OLR1: variants seen among roughly 807,000 people sequenced by gnomAD.
OLR1 encodes the protein oxidized low density lipoprotein receptor 1, also known as oxidized low-density lipoprotein receptor 1.
A neutral mutation model predicts 31.7 loss-of-function variants in OLR1; 23 were observed. That is an observed-to-expected ratio of 0.72 (90% confidence interval 0.52 to 1.03). OLR1 has a LOEUF of 1.03. Ranked by LOEUF, OLR1 falls within the 50% of genes least tolerant of loss-of-function variation. The probability of loss-of-function intolerance (pLI) is 0.00; values close to 1 mark genes in which losing one functional copy is unlikely to be tolerated. For synonymous variants in OLR1, 117 were observed against 115.8 expected, an observed-to-expected ratio of 1.01 and a Z score of -0.07; for missense variants, 286 against 315.7, an observed-to-expected ratio of 0.91 and a Z score of 0.71.
Position 10,160,721 on chromosome 12 carries a change from T to A in OLR1, c.564+65A>T, listed in dbSNP as rs1948613287. ...CAAACAAGAATTCCTCCAGTGACAGTTTAAACCAGATTAATTTCCCTATCA... is the reference window on the plus strand; with the variant it reads ...CAAACAAGAATTCCTCCAGTGACAGATTAAACCAGATTAATTTCCCTATCA... On this transcript the variant is annotated intron_variant, in intron 4 of 5. Transcript: ENST00000309539. 3 of 1,581,804 alleles carry A rather than the reference T, an allele frequency of 1.9e-6. No homozygotes were observed. The South Asian group carries it at 3.4e-5, about 18-fold the overall frequency.
intron 3 of OLR1, 111 bp downstream of exon 3, chr12:10,166,601 A>T: frequency 1.0e-6 from 1 of 965,248 alleles, no homozygotes; most frequent in Non-Finnish European, 1.6e-6. Flanking sequence ...TGAATGAATA[A>T]TGATATGCAT....
At chr12:10,169,647 C>G (rs1304052709) in intron 1 of OLR1, among the ~76,000 whole-genome samples, 1 of 152,130 alleles carries the variant, frequency 6.6e-6, no homozygotes, top group Non-Finnish European at 1.5e-5. Context: ...AGCAAACAAG[C>G]TTTCTTCAGT....
intron 5 of OLR1, 117 bp from the exon 6 acceptor site, chr12:10,160,138 G>T: frequency 1.7e-6 from 2 of 1,179,088 alleles, no homozygotes; most frequent in Non-Finnish European, 2.4e-6. Context: ...AGTAATAAAT[G>T]TGGGAAGGAA....
intron 3 of OLR1, among the ~76,000 whole-genome samples, chr12:10,165,038 G>A (rs954214374): frequency 2.0e-5 from 3 of 152,226 alleles, no homozygotes; most frequent in East Asian, 1.9e-4. Flanking sequence ...CGAGGCGGGC[G>A]GATCACCCGA....
intron 3 of OLR1, among the ~76,000 whole-genome samples, chr12:10,161,309 A>C (rs1472496674): frequency 6.6e-5 from 10 of 152,238 alleles, no homozygotes; most frequent in Non-Finnish European, 1.3e-4. Flanking sequence ...GATGAAAAGC[A>C]AGTTAAGCTA....
chr12:10,163,063 T>C (rs1948633298), intron 3 of OLR1, among the ~76,000 whole-genome samples: 2 of 152,176 alleles, frequency 1.3e-5, no homozygotes, highest in South Asian at 2.1e-4. Flanking sequence ...ATTTTTTATA[T>C]AATTTAACAA....
chr12:10,162,769 A>G (rs1473324196), intron 3 of OLR1, among the ~76,000 whole-genome samples: 2 of 152,198 alleles, frequency 1.3e-5, no homozygotes, highest in African/African-American at 4.8e-5. Flanking sequence ...TGGAGGTTGC[A>G]GTGAGCTGAG....
At chr12:10,168,521 T>A (rs1443380166) in intron 2 of OLR1, among the ~76,000 whole-genome samples, 1 of 152,138 alleles carries the variant, frequency 6.6e-6, no homozygotes, top group South Asian at 2.1e-4. Flanking sequence ...TGAAATGGAG[T>A]CTCGCTCTGT....
chr12:10,168,340 G>A (rs1948679366), intron 2 of OLR1, among the ~76,000 whole-genome samples: 2 of 151,926 alleles, frequency 1.3e-5, no homozygotes, highest in Non-Finnish European at 2.9e-5. Flanking sequence ...ACATTAAAAT[G>A]GTATTTAATT....
intron 1 of OLR1, 56 bp from the exon 2 acceptor site, chr12:10,169,231 A>G: frequency 7.9e-7 from 1 of 1,273,588 alleles, no homozygotes; most frequent in Non-Finnish European, 1.1e-6. Context: ...AAGTAAGCAA[A>G]CCATTCCTTG....
At chr12:10,170,491 C>CTTTTTTTTT (rs11377412) in intron 1 of OLR1, 1 of 116,298 alleles carries the variant, frequency 8.6e-6, no homozygotes, top group African/African-American at 3.3e-5. Context: ...TCATCGTGCT[C>CTTTTTTTTT]TTTTTTTTTT....
intron 4 of OLR1, 62 bp from the exon 5 acceptor site, chr12:10,160,524 C>G: frequency 7.4e-7 from 1 of 1,345,502 alleles, no homozygotes; most frequent in Non-Finnish European, 1.1e-6. Flanking sequence ...ATCTGAAAGT[C>G]AGTTAGTGTT....
At chr12:10,172,243 T>C (rs1948729058), upstream of OLR1, 2 of 566,334 alleles carry the variant, frequency 3.5e-6, no homozygotes, top group Non-Finnish European at 6.3e-6. Flanking sequence ...ATTGGGAAGT[T>C]CGCTGACGCA....
chr12:10,176,200 A>G (rs1023262445), upstream of OLR1, among the ~76,000 whole-genome samples: 1 of 152,074 alleles, frequency 6.6e-6, no homozygotes, highest in Non-Finnish European at 1.5e-5. Context: ...ATCATTCCCT[A>G]TATGGAGGCT....
At chr12:10,170,377 TTGCAA>T (rs1472241397) in intron 1 of OLR1, 1 of 152,218 alleles carries the variant, frequency 6.6e-6, no homozygotes, top group Non-Finnish European at 1.5e-5. Context: ...GCTGTGTCTC[TTGCAA>T]ATAATTGCCT....
In OLR1 at chr12:10,167,402, A is replaced by G. The variant is rs184557171; in HGVS notation, c.179-445T>C. 3.9e-3 allele frequency: 610 copies of G among 155,182 alleles called. 1 individual carries two copies. The highest frequency in any genetic ancestry group is 6.6e-3 in the Non-Finnish European group (458 of 69,678). The allele number at this position is 155,182 out of a possible 1,614,324, so 9.6% of individuals were successfully genotyped here. A position where few individuals can be genotyped will look rare whatever the true frequency, so the allele number is the denominator to read the frequency against. ...GCTGAGGCAGGGGAATCACAGTGCC[A>G]CTGCACTCCAGCCTGGCGACAGAGG... is the stretch of plus-strand genomic sequence containing the variant. On this transcript the variant is annotated intron_variant, in intron 2 of 5. Transcript: ENST00000309539.
chr12:10,166,301 G>A (rs1227333821), intron 3 of OLR1, among the ~76,000 whole-genome samples: 1 of 152,114 alleles, frequency 6.6e-6, no homozygotes, highest in Non-Finnish European at 1.5e-5. Context: ...GCCAAGATGG[G>A]TGGATCACCT....
intron 5 of OLR1, 150 bp from the exon 6 acceptor site, chr12:10,160,171 G>T: frequency 1.0e-6 from 1 of 972,344 alleles, no homozygotes; most frequent in Non-Finnish European, 1.5e-6. Flanking sequence ...TGTCTGAATG[G>T]TTAATGAGTA....
chr12:10,166,655 G>C, intron 3 of OLR1, 57 bp downstream of exon 3: 1 of 1,600,200 alleles, frequency 6.2e-7, no homozygotes, highest in South Asian at 1.1e-5. Context: ...CCAAAAAATA[G>C]TTATGATTGG....
Sources: gnomAD v4.1 joint callset for allele counts (sites outside exome capture counted in the v4.1 genomes callset) on GRCh38, gnomAD v4.1.1 for gene constraint, MANE v1.5 for transcripts, NCBI Gene and HGNC (gene_info 2026-07-23, HGNC 2026-07-21) for gene names.